The following FAT2 variants were observed in gnomAD, a reference collection of about 807,000 sequenced individuals.
FAT2 encodes the protein FAT atypical cadherin 2, also known as protocadherin Fat 2.
Under a neutral mutation model 295.3 loss-of-function variants are expected in FAT2, and 150 were observed. The observed-to-expected ratio is 0.51, with a 90% CI of 0.44 to 0.58. FAT2 has a LOEUF of 0.58. Among genes scored for constraint, FAT2 ranks in the 20% least tolerant of loss-of-function variants. FAT2 has a pLI of 0.00. For synonymous variants in FAT2, 2,026 were observed against 2,150.3 expected (o/e 0.94, Z 1.60); for missense variants, 4,868 against 5,442.7 (o/e 0.89, Z 3.32).
intron 20 of FAT2, among the ~76,000 whole-genome samples, chr5:151,513,973 A>G (rs1752581979): frequency 6.6e-6 from 1 of 152,210 alleles, no homozygotes; most frequent in Non-Finnish European, 1.5e-5. Flanking sequence ...CACTGGGTTA[A>G]AACATTTTAA....
chr5:151,512,673 C>A lies in FAT2; in HGVS notation c.11464-67G>T. 7.2e-7 allele frequency: 1 copy of A among 1,380,044 alleles called. No individual in the cohort carries two copies. Among genetic ancestry groups the A allele is most frequent in the African/African-American group, 1.5e-5 (1 of 68,894 alleles). 85.5% of individuals were successfully genotyped at this position (1,380,044 alleles called of 1,614,324 possible). ...TCCTTGTAAACCTGCTAAGAGGCTG[C>A]CAGTTCAAAGAATGTTGTTTGTATT... On this transcript the variant is annotated intron_variant, in intron 20 of 23. Coordinates refer to ENST00000261800, the MANE Select transcript of FAT2 (RefSeq NM_001447.3). The surrounding 1 kb of genome is among the most constrained non-coding windows in gnomAD (Gnocchi z 4.1).
intron 13 of FAT2, among the ~76,000 whole-genome samples, chr5:151,533,795 T>C (rs1232195875): frequency 6.6e-6 from 1 of 152,092 alleles, no homozygotes; most frequent in African/African-American, 2.4e-5. Context: ...TATATATGTA[T>C]GTATACATGC....
chr5:151,589,351 G>A (rs1759309967), intron 1 of FAT2, among the ~76,000 whole-genome samples: 2 of 152,146 alleles, frequency 1.3e-5, no homozygotes, highest in Admixed American at 6.5e-5. Flanking sequence ...GCATCTGGAA[G>A]GAGAACTTAC....
intron 1 of FAT2, among the ~76,000 whole-genome samples, chr5:151,573,319 T>G (rs976249656): frequency 2.6e-5 from 4 of 152,240 alleles, no homozygotes; most frequent in African/African-American, 9.6e-5. Flanking sequence ...ATACAACTGT[T>G]TAGTACCTGG....
At chr5:151,518,638 G>A (rs1581301636) in intron 19 of FAT2, among the ~76,000 whole-genome samples, 1 of 152,146 alleles carries the variant, frequency 6.6e-6, no homozygotes, top group East Asian at 1.9e-4. Context: ...AAAGAGAGAG[G>A]GGCAGTGATA....
At position 151,505,200 on chromosome 5, in the gene FAT2, G is replaced by C. The variant is rs77989112; in HGVS notation, c.*365C>G. ...GTGGGCAGGTATGAGAATGCATCTT[G>C]GTGAAGTTGAGCCAGCACAGTCAAT... On this transcript the variant is annotated 3_prime_UTR_variant, in exon 24 of 24. Coordinates refer to ENST00000261800, the MANE Select transcript of FAT2 (RefSeq NM_001447.3). The C allele has an allele frequency of 8.7e-3, 2,958 of 339,330 alleles. 74 individuals carry two copies. The highest frequency in any genetic ancestry group is 0.057 in the African/African-American group (2,613 of 46,070). The allele number at this position is 339,330 out of a possible 1,614,324, so 21.0% of individuals were successfully genotyped here.
In FAT2 at chr5:151,566,906, A is replaced by G. The variant is rs772783342; in HGVS notation, c.2026T>C (p.Leu676=). ...AGGATAGTCTTTGTGAATTGTGTCA[A>G]TACCCCTGTTTTATCACATGTTACA... The part of the protein sequence containing the change: ...VPVTCDKTGV[L]TQFTKTILHF... Residue 676 remains leucine (L), a synonymous_variant, in exon 2 of 24, where the codon TTG becomes CTG. Coordinates refer to ENST00000261800, the MANE Select transcript of FAT2 (RefSeq NM_001447.3). 1 of 1,614,194 alleles carries G rather than the reference A, an allele frequency of 6.2e-7. No individual in the cohort carries two copies. The highest frequency in any genetic ancestry group is 1.1e-5 in the South Asian group (1 of 91,074).
At chr5:151,510,231 CTGGCATTGGCAGACTGG>C (rs945054509) in intron 21 of FAT2, 57 bp from the exon 22 acceptor site, 270 of 1,577,174 alleles carry the variant, frequency 1.7e-4, no homozygotes, top group Non-Finnish European at 2.1e-4. Context: ...TAAAGGAGAC[CTGGCATTGGCAGACTGG>C]TGTGTTTGTG....
intron 21 of FAT2, chr5:151,510,540 C>G (rs541477230): frequency 5.5e-6 from 1 of 180,900 alleles, no homozygotes; most frequent in Admixed American, 5.6e-5. Flanking sequence ...CATCAGGGGA[C>G]AGGTACAAAG....
intron 6 of FAT2, among the ~76,000 whole-genome samples, chr5:151,551,969 C>G (rs1757253686): frequency 1.5e-5 from 2 of 137,734 alleles, no homozygotes; most frequent in Admixed American, 1.5e-4. Context: ...TTTAATATAA[C>G]CCTAAGGGTG....
intron 12 of FAT2, among the ~76,000 whole-genome samples, chr5:151,537,277 T>TAATAAGAAGACGATGGTGGTGGA (rs1755457542): frequency 1.5e-5 from 2 of 132,778 alleles, no homozygotes; most frequent in East Asian, 4.2e-4. Context: ...ATGGTGGTGG[T>TAATAAGAAGACGATGGTGGTGGA]GGAGGAGGAG....
At position 151,549,479 on chromosome 5, in the gene FAT2, C is replaced by T. The variant is rs1581412924; in HGVS notation, c.4605G>A (p.Lys1535=). Reference sequence around the variant, plus strand: ...GAATGGTCACCCACACGAAGTTCCTCTTGATAGGTATTTCCTGGTCTCGGA... The same window carrying T: ...GAATGGTCACCCACACGAAGTTCCTTTTGATAGGTATTTCCTGGTCTCGGA... ...VMVRDQEIPI[K]RNFVWVTIHV... The change falls in exon 9 of 24, where the codon AAG becomes AAA. Residue 1535 remains lysine (K), a synonymous_variant. Coordinates refer to ENST00000261800, the MANE Select transcript of FAT2 (RefSeq NM_001447.3). The T allele has an allele frequency of 1.2e-6, 2 of 1,614,190 alleles. No homozygotes were observed. Among genetic ancestry groups the T allele is most frequent in the East Asian group, 2.2e-5 (1 of 44,876 alleles).
chr5:151,549,252 A>G (rs770120076), intron 9 of FAT2, 43 bp downstream of exon 9: 2 of 1,577,372 alleles, frequency 1.3e-6, no homozygotes, highest in East Asian at 2.3e-5. Flanking sequence ...TTATTTCTAA[A>G]GCATCTTGAC....
intron 13 of FAT2, 59 bp from the exon 14 acceptor site, chr5:151,532,029 C>T (rs2127592173): frequency 6.3e-7 from 1 of 1,581,964 alleles, no homozygotes; most frequent in South Asian, 1.2e-5. Context: ...GACCTGCCTG[C>T]AGCAAACCCT....
chr5:151,564,312 G>A (rs767610363), intron 2 of FAT2, among the ~76,000 whole-genome samples: 17 of 152,228 alleles, frequency 1.1e-4, no homozygotes, highest in East Asian at 1.9e-4. Flanking sequence ...AGAGACGACC[G>A]CTGGGGAAAC....
intron 1 of FAT2, among the ~76,000 whole-genome samples, chr5:151,587,684 G>T (rs938512370): frequency 3.3e-5 from 5 of 152,070 alleles, no homozygotes; most frequent in Admixed American, 1.3e-4. Flanking sequence ...TTATGGGTCT[G>T]CCTCTATCAA....
intron 20 of FAT2, 123 bp downstream of exon 20, chr5:151,517,497 C>T (rs1179434626): frequency 2.5e-6 from 3 of 1,219,242 alleles, no homozygotes; most frequent in African/African-American, 3.0e-5. Context: ...CACCCAGAAT[C>T]CCTGAAAACT....
intron 13 of FAT2, among the ~76,000 whole-genome samples, 169 bp downstream of exon 13, chr5:151,534,240 C>A (rs1300229210): frequency 6.6e-6 from 1 of 152,164 alleles, no homozygotes; most frequent in Non-Finnish European, 1.5e-5. Flanking sequence ...TGTCATATAG[C>A]ACTTAGGTGT....
Position 151,566,731 on chromosome 5 carries a change from A to G in FAT2, c.2201T>C (p.Leu734Ser), listed in dbSNP as rs1343856985. 3 of 1,614,036 alleles carry G rather than the reference A, an allele frequency of 1.9e-6. No individual in the cohort carries two copies. The highest frequency in any genetic ancestry group is 2.2e-5 in the East Asian group (1 of 44,890). Reference protein sequence around the residue: ...VLESVPINTPLARLAATDPDA... With the variant: ...VLESVPINTPSARLAATDPDA... ...AGGGTCAGTGGCTGCTAGGCGGGCCAAGGGGGTGTTGATAGGGACACTCTC... is the reference window on the plus strand; with the variant it reads ...AGGGTCAGTGGCTGCTAGGCGGGCCGAGGGGGTGTTGATAGGGACACTCTC... Residue 734 changes from leucine to serine, a missense_variant, in exon 2 of 24, where the codon TTG (leucine) becomes TCG (serine). By Grantham distance (145) the Leu-to-Ser change is moderately radical (BLOSUM62 -2). Coordinates refer to ENST00000261800, the MANE Select transcript of FAT2 (RefSeq NM_001447.3).
Sources: allele counts gnomAD v4.1 joint callset (sites outside exome capture counted in the v4.1 genomes callset), GRCh38; gene constraint gnomAD v4.1.1; non-coding constraint Gnocchi (gnomAD v3.1); transcripts MANE v1.5; gene names NCBI Gene and HGNC (gene_info 2026-07-23, HGNC 2026-07-21).